LAMA2: variants seen among roughly 807,000 people sequenced by gnomAD.
The protein encoded by LAMA2 is laminin subunit alpha-2.
A neutral mutation model predicts 364.8 loss-of-function variants in LAMA2; 269 were observed. The observed-to-expected ratio is 0.74, with a 90% CI of 0.67 to 0.82. LAMA2 has a LOEUF of 0.82. Ranked by LOEUF, LAMA2 falls within the 40% of genes least tolerant of loss-of-function variation. The probability of loss-of-function intolerance (pLI) is 0.00; values close to 1 mark genes in which losing one functional copy is unlikely to be tolerated. For synonymous variants in LAMA2, 1,379 were observed against 1,370.6 expected (o/e 1.01, Z -0.14); for missense variants, 3,807 against 3,873.2 (o/e 0.98, Z 0.45).
At chr6:129,147,114 CT>C (rs770963829) in intron 6 of LAMA2, 66 bp downstream of exon 6, 23 of 1,016,970 alleles carry the variant, frequency 2.3e-5, no homozygotes, top group Admixed American at 8.5e-5. Context: ...TCATGACAGT[CT>C]TTGCTGACAG....
chr6:129,019,466 T>A (rs1446228917), intron 1 of LAMA2, among the ~76,000 whole-genome samples: 1 of 151,866 alleles, frequency 6.6e-6, no homozygotes, highest in African/African-American at 2.4e-5. Context: ...TTTTTGTTTC[T>A]CTTTTGTGGG....
chr6:129,230,656 A>T (rs932702522), intron 12 of LAMA2, among the ~76,000 whole-genome samples: 25 of 152,242 alleles, frequency 1.6e-4, no homozygotes, highest in East Asian at 1.2e-3. Context: ...AGCATTAGGG[A>T]TCTATGTGAG....
intron 1 of LAMA2, chr6:128,929,927 G>T (rs1209797100): frequency 1.3e-6 from 1 of 790,068 alleles, no homozygotes; most frequent in Non-Finnish European, 2.2e-6. Flanking sequence ...AAGCAGGAGC[G>T]CGGCCCACAG....
In LAMA2 at chr6:129,475,370, T is replaced by TC. The variant is rs770416797; in HGVS notation, c.7440-18dup. On this transcript the variant is annotated intron_variant, in intron 52 of 64. Transcript: ENST00000421865. ...ATTGTTTTTATTTTTGTTTTTTTTT[T>TC]CCTCTTTCCCGTTATCTAGTATGAA... 1 of 1,422,514 alleles carries TC rather than the reference T, an allele frequency of 7.0e-7. No homozygotes were observed. Among genetic ancestry groups the TC allele is most frequent in the Non-Finnish European group, 9.7e-7 (1 of 1,025,796 alleles). 88.1% of individuals were successfully genotyped at this position (1,422,514 alleles called of 1,614,324 possible).
At chr6:129,334,649 G>A (rs1046393563) in intron 29 of LAMA2, among the ~76,000 whole-genome samples, 4 of 152,146 alleles carry the variant, frequency 2.6e-5, no homozygotes, top group African/African-American at 9.7e-5. Context: ...CATAAACTGG[G>A]TAGCTTATAA....
chr6:128,995,999 TC>T (rs1399838115), intron 1 of LAMA2, among the ~76,000 whole-genome samples: 7 of 152,172 alleles, frequency 4.6e-5, no homozygotes, highest in African/African-American at 1.7e-4. Context: ...ATTGATAGTA[TC>T]AACATGACAA....
Position 129,507,574 on chromosome 6 carries a change from A to G in LAMA2, c.8789A>G (p.His2930Arg), listed in dbSNP as rs201129835. 5 of 1,614,076 alleles carry G rather than the reference A, an allele frequency of 3.1e-6. 1 individual carries two copies. The highest frequency in any genetic ancestry group is 4.2e-6 in the Non-Finnish European group (5 of 1,180,006). Residue 2930 changes from histidine (H) to arginine (R), a missense_variant, in exon 62 of 65, where the codon CAT (histidine) becomes CGT (arginine). His to Arg is a conservative substitution (Grantham distance 29). Coordinates refer to ENST00000421865, the MANE Select transcript of LAMA2 (RefSeq NM_000426.4). ...ADLEQPTSSF[H>R]VGTCFANAQR... Reference sequence around the variant, plus strand: ...CTGGAACAACCCACCTCCAGCTTCCATGTTGGGACATGTTTTGCAAATGCT... The same window carrying G: ...CTGGAACAACCCACCTCCAGCTTCCGTGTTGGGACATGTTTTGCAAATGCT...
At chr6:129,310,249 G>C (rs929555221) in intron 22 of LAMA2, among the ~76,000 whole-genome samples, 1 of 152,076 alleles carries the variant, frequency 6.6e-6, no homozygotes, top group African/African-American at 2.4e-5. Flanking sequence ...CAAATATTTG[G>C]GCATGAAAGA....
chr6:129,361,998 G>A (rs1777492878), intron 32 of LAMA2, among the ~76,000 whole-genome samples: 1 of 151,808 alleles, frequency 6.6e-6, no homozygotes, highest in Non-Finnish European at 1.5e-5. Context: ...TGGCCAGGCT[G>A]GTCTCAAACT....
At chr6:129,092,243 C>T (rs957701386) in intron 3 of LAMA2, among the ~76,000 whole-genome samples, 8 of 152,162 alleles carry the variant, frequency 5.3e-5, no homozygotes, top group Non-Finnish European at 1.2e-4. Context: ...TATTTTCTTT[C>T]TTTCTTTTTT....
chr6:129,095,923 GA>G (rs531081776), intron 3 of LAMA2, among the ~76,000 whole-genome samples: 17,067 of 140,314 alleles, frequency 0.12, 1,132 homozygotes, highest in African/African-American at 0.19. Flanking sequence ...ACGCAGTCTG[GA>G]AAAAAAAAAA....
chr6:129,327,041 G>A (rs1228153709), intron 28 of LAMA2, among the ~76,000 whole-genome samples: 1 of 151,658 alleles, frequency 6.6e-6, no homozygotes, highest in African/African-American at 2.4e-5. Context: ...ATATGATTAT[G>A]TCCACCATAA....
chr6:129,016,913 G>A (rs918955179), intron 1 of LAMA2, among the ~76,000 whole-genome samples: 2 of 151,370 alleles, frequency 1.3e-5, no homozygotes, highest in African/African-American at 2.4e-5. Flanking sequence ...TTTTTAAAAT[G>A]TTCTAAGAGA....
At chr6:129,195,361 A>C (rs1583224519) in intron 12 of LAMA2, among the ~76,000 whole-genome samples, 1 of 152,164 alleles carries the variant, frequency 6.6e-6, no homozygotes, top group Non-Finnish European at 1.5e-5. Context: ...TTGTAATAAA[A>C]CTCAAGAATA....
chr6:129,402,223 A>AC, intron 38 of LAMA2, 101 bp from the exon 39 acceptor site: 1 of 932,620 alleles, frequency 1.1e-6, no homozygotes, highest in South Asian at 1.5e-5. Context: ...AAAAAAAAAA[A>AC]AAAACTAAAC....
chr6:129,358,312 T>C (rs1777268810), intron 32 of LAMA2, among the ~76,000 whole-genome samples: 1 of 152,024 alleles, frequency 6.6e-6, no homozygotes, highest in South Asian at 2.1e-4. Context: ...TTGAGGAAGC[T>C]GTTCTGCTAG....
intron 1 of LAMA2, among the ~76,000 whole-genome samples, chr6:129,006,961 T>C (rs1170624841): frequency 2.6e-5 from 4 of 152,130 alleles, no homozygotes; most frequent in Non-Finnish European, 5.9e-5. Context: ...CCTCACCTTT[T>C]AAGAATTTCC....
chr6:129,067,750 A>C (rs753183023), intron 3 of LAMA2, among the ~76,000 whole-genome samples: 8 of 152,118 alleles, frequency 5.3e-5, no homozygotes, highest in Non-Finnish European at 1.2e-4. Context: ...CTATGTCTTG[A>C]ACACTCACAC....
At chr6:129,334,208 T>C (rs1468690866) in intron 29 of LAMA2, among the ~76,000 whole-genome samples, 1 of 152,212 alleles carries the variant, frequency 6.6e-6, no homozygotes, top group Non-Finnish European at 1.5e-5. Context: ...CATTATACAG[T>C]GCAATGCCCT....
Sources: allele counts gnomAD v4.1 joint callset (sites outside exome capture counted in the v4.1 genomes callset), GRCh38; gene constraint gnomAD v4.1.1; transcripts MANE v1.5; gene names NCBI Gene and HGNC (gene_info 2026-07-23, HGNC 2026-07-21).